Variants in WASHC4 observed in about 807,000 individuals in gnomAD.
WASHC4 encodes WASH complex subunit 4, also known as WASH complex subunit 7.
In WASHC4, 86 loss-of-function variants were observed where a neutral mutation model predicts 166.6. That is an observed-to-expected ratio of 0.52 (90% CI 0.43 to 0.62). WASHC4 has a LOEUF of 0.62. Among genes scored for constraint, WASHC4 ranks in the 20% least tolerant of loss-of-function variants. The pLI, the probability that WASHC4 is intolerant of heterozygous loss-of-function variation, is 0.00. For synonymous variants in WASHC4, 446 were observed against 451.6 expected (o/e 0.99, Z 0.16); for missense variants, 1,262 against 1,382.4 (o/e 0.91, Z 1.38).
chr12:105,136,415 G>A (rs555461806), intron 14 of WASHC4, among the ~76,000 whole-genome samples: 54 of 151,786 alleles, frequency 3.6e-4, no homozygotes, highest in African/African-American at 1.2e-3. Context: ...TTTTTAAACC[G>A]TTTTGCCCAT....
intron 15 of WASHC4, among the ~76,000 whole-genome samples, 190 bp from the exon 16 acceptor site, chr12:105,140,104 C>G (rs1882696824): frequency 6.6e-6 from 1 of 152,096 alleles, no homozygotes; most frequent in Admixed American, 6.5e-5. Context: ...AACTCCTGAC[C>G]TGGTGATCCA....
intron 13 of WASHC4, among the ~76,000 whole-genome samples, chr12:105,131,921 C>T (rs1881858618): frequency 6.6e-6 from 1 of 152,126 alleles, no homozygotes; most frequent in Non-Finnish European, 1.5e-5. Context: ...TGACAGGATC[C>T]TTCTTTAGAT....
At chr12:105,133,108 C>T (rs1189149171) in intron 13 of WASHC4, among the ~76,000 whole-genome samples, 1 of 152,058 alleles carries the variant, frequency 6.6e-6, no homozygotes, top group African/African-American at 2.4e-5. Context: ...GTCAAAATCC[C>T]TACTCCTTGT....
At chr12:105,111,939 TC>T (rs1027804807) in intron 2 of WASHC4, among the ~76,000 whole-genome samples, 26 of 152,350 alleles carry the variant, frequency 1.7e-4, no homozygotes, top group African/African-American at 6.0e-4. Context: ...ATTGTATAAT[TC>T]AGTTGTTTTT....
chr12:105,148,508 A>T, intron 24 of WASHC4: 3 of 985,008 alleles, frequency 3.0e-6, no homozygotes, highest in Non-Finnish European at 3.6e-6. Context: ...ATGTCTGTTG[A>T]TGAAATGAGC....
In WASHC4 at chr12:105,118,466, G is replaced by A. The variant is rs761585262; in HGVS notation, c.456G>A (p.Thr152=). 2.5e-6 allele frequency: 4 copies of A among 1,613,074 alleles called. No homozygotes were observed. Among genetic ancestry groups the A allele is most frequent in the Non-Finnish European group, 8.5e-7 (1 of 1,179,060 alleles). The change falls in exon 7 of 33, where the codon ACG becomes ACA. Residue 152 remains threonine, a synonymous_variant. Coordinates refer to ENST00000332180, the MANE Select transcript of WASHC4 (RefSeq NM_015275.3). ...TTCAGGAACTGTCTTGCTTTGTTAC[G>A]AGGTGCTATGAAGTGGTGATGAACG... ...SFLQELSCFV[T]RCYEVVMNVV...
rs759652277 is a variant in WASHC4 at position 105,142,487 on chromosome 12, T to C, written c.1822T>C (p.Trp608Arg). The C allele has an allele frequency of 3.1e-6, 5 of 1,610,734 alleles. No homozygotes were observed. Among genetic ancestry groups the C allele is most frequent in the Non-Finnish European group, 3.4e-6 (4 of 1,177,648 alleles). Residue 608 changes from tryptophan (W) to arginine (R), a missense_variant, in exon 19 of 33, where the codon TGG (tryptophan) becomes CGG (arginine). By Grantham distance (101) the Trp-to-Arg change is moderately radical (BLOSUM62 -3). Transcript: ENST00000332180. ...QTQCDCCFLYWHRAVFPIYLD... is the reference protein window; with the variant it reads ...QTQCDCCFLYRHRAVFPIYLD... Reference sequence around the variant, plus strand: ...ACAATGTGACTGTTGTTTTTTATACTGGCATCGAGCTGTCTTCCCAATTTA... The same window carrying C: ...ACAATGTGACTGTTGTTTTTTATACCGGCATCGAGCTGTCTTCCCAATTTA...
chr12:105,152,770 T>C (rs1042504736), intron 26 of WASHC4, among the ~76,000 whole-genome samples: 3 of 152,202 alleles, frequency 2.0e-5, no homozygotes, highest in Non-Finnish European at 4.4e-5. Flanking sequence ...TTCAAGGCAC[T>C]GTTTTGGGCT....
chr12:105,133,795 G>T lies in WASHC4; in HGVS notation c.1225G>T (p.Val409Leu). 6.2e-7 allele frequency: 1 copy of T among 1,612,466 alleles called. No homozygotes were observed. Among genetic ancestry groups the T allele is most frequent in the Non-Finnish European group, 8.5e-7 (1 of 1,178,888 alleles). Residue 409 changes from valine (V) to leucine (L), a missense_variant, in exon 14 of 33, where the codon GTG becomes TTG. Coordinates refer to ENST00000332180, the MANE Select transcript of WASHC4 (RefSeq NM_015275.3). The part of the protein sequence containing the change: ...TKDVQSYYVF[V>L]SSWMMKMESI... Reference sequence around the variant, plus strand: ...AGATGTACAGTCTTACTACGTCTTTGTGAGCTCATGGATGATGAAAATGGA... The same window carrying T: ...AGATGTACAGTCTTACTACGTCTTTTTGAGCTCATGGATGATGAAAATGGA...
chr12:105,167,161 G>A lies in WASHC4; in HGVS notation c.*230G>A. 4.2e-6 allele frequency: 2 copies of A among 481,872 alleles called. No homozygotes were observed. Among genetic ancestry groups the A allele is most frequent in the Non-Finnish European group, 7.5e-6 (2 of 267,480 alleles). 29.8% of individuals were successfully genotyped at this position (481,872 alleles called of 1,614,324 possible). ...AATTGGATTTTTGCCTGGACTTGAG[G>A]GTACAAGATGTTTCTATTTGAAGTG... On this transcript the variant is annotated 3_prime_UTR_variant, in exon 33 of 33. Transcript: ENST00000332180.
intron 8 of WASHC4, 29 bp from the exon 9 acceptor site, chr12:105,121,072 A>G (rs1264887496): frequency 6.8e-7 from 1 of 1,479,144 alleles, no homozygotes; most frequent in Admixed American, 1.7e-5. Context: ...CTAGTGACTA[A>G]ATGATAATCA....
chr12:105,140,271 A>G (rs968045722), intron 15 of WASHC4, 23 bp from the exon 16 acceptor site: 70 of 1,562,644 alleles, frequency 4.5e-5, no homozygotes, highest in Non-Finnish European at 6.0e-5. Context: ...GATTGTCAGA[A>G]AATTATTTCT....
rs1882066600 is a variant in WASHC4, at chr12:105,133,760, C to A, written c.1200-10C>A. 1 of 1,610,544 alleles carries A rather than the reference C, an allele frequency of 6.2e-7. No individual in the cohort carries two copies. Among genetic ancestry groups the A allele is most frequent in the African/African-American group, 1.3e-5 (1 of 74,902 alleles). ...CTTTGCTGAGTAACCCCAATATTTT[C>A]CTTTGTTAGAGATGTACAGTCTTAC... On this transcript the variant is annotated splice_polypyrimidine_tract_variant and intron_variant, in intron 13 of 32. Coordinates refer to ENST00000332180, the MANE Select transcript of WASHC4 (RefSeq NM_015275.3).
chr12:105,112,539 C>T (rs1354913061), intron 2 of WASHC4, among the ~76,000 whole-genome samples: 1 of 152,138 alleles, frequency 6.6e-6, no homozygotes, highest in East Asian at 1.9e-4. Context: ...TTACTACCAG[C>T]ACTGCATGAG....
chr12:105,167,065 G>A lies in WASHC4; in HGVS notation c.*134G>A. 1 of 695,922 alleles carries A rather than the reference G, an allele frequency of 1.4e-6. No homozygotes were observed. The highest frequency in any genetic ancestry group is 2.6e-6 in the Non-Finnish European group (1 of 383,822). The allele number at this position is 695,922 out of a possible 1,614,324, so 43.1% of individuals were successfully genotyped here. A position where few individuals can be genotyped will look rare whatever the true frequency, so the allele number is the denominator to read the frequency against. On this transcript the variant is annotated 3_prime_UTR_variant, in exon 33 of 33. Transcript: ENST00000332180. Reference sequence around the variant, plus strand: ...AAAATAGATGTTACAGTTCTTAAAGGCAGTGCTTTAAAGTGAAGTTCATTC... The same window carrying A: ...AAAATAGATGTTACAGTTCTTAAAGACAGTGCTTTAAAGTGAAGTTCATTC...
intron 32 of WASHC4, among the ~76,000 whole-genome samples, chr12:105,165,593 A>G (rs1884764261): frequency 6.6e-6 from 1 of 152,182 alleles, no homozygotes. Flanking sequence ...ATCAAGATAT[A>G]AAGCTCTTCA....
chr12:105,110,161 A>G (rs528989401), intron 1 of WASHC4, among the ~76,000 whole-genome samples: 1 of 152,302 alleles, frequency 6.6e-6, no homozygotes, highest in African/African-American at 2.4e-5. Flanking sequence ...AAATGGATTC[A>G]CCGGATTTAA....
chr12:105,137,058 CTG>C (rs1466995075), intron 14 of WASHC4, among the ~76,000 whole-genome samples: 20 of 152,290 alleles, frequency 1.3e-4, no homozygotes, highest in Admixed American at 1.1e-3. Context: ...CCTTGCTAAA[CTG>C]TACATGTGTC....
rs1418234379 is a variant in WASHC4 at position 105,164,759 on chromosome 12, T to A, written c.3454+19T>A. ...AAGGAAGGTCAGTGAGTGGTTTAAA[T>A]TTGGAAAGACCAATAAATGTCTTTA... On this transcript the variant is annotated intron_variant, in intron 32 of 32. Coordinates refer to ENST00000332180, the MANE Select transcript of WASHC4 (RefSeq NM_015275.3). 6.5e-7 allele frequency: 1 copy of A among 1,547,240 alleles called. No individual in the cohort carries two copies. The highest frequency in any genetic ancestry group is 2.2e-5 in the East Asian group (1 of 44,482).
Sources: allele counts gnomAD v4.1 joint callset (sites outside exome capture counted in the v4.1 genomes callset), GRCh38; gene constraint gnomAD v4.1.1; transcripts MANE v1.5; gene names NCBI Gene and HGNC (gene_info 2026-07-23, HGNC 2026-07-21).